The following ERP44 variants were observed in gnomAD, a reference collection of about 807,000 sequenced individuals.
The protein encoded by ERP44 is endoplasmic reticulum resident protein 44.
A neutral mutation model predicts 53.4 loss-of-function variants in ERP44; 25 were observed. The ratio of observed to expected loss-of-function variants is 0.47; its 90% CI spans 0.34 to 0.65. The LOEUF (loss-of-function observed/expected upper bound fraction) is 0.65, where lower values mean the gene tolerates loss of function less well. Ranked by LOEUF, ERP44 falls within the 30% of genes least tolerant of loss-of-function variation. The pLI is 0.01. For synonymous variants in ERP44, 145 were observed against 161.2 expected, an observed-to-expected ratio of 0.90 and a Z score of 0.76; for missense variants, 338 against 493.2, an observed-to-expected ratio of 0.69 and a Z score of 2.98.
chr9:100,070,660 C>T (rs1826291053), intron 1 of ERP44, among the ~76,000 whole-genome samples: 1 of 152,150 alleles, frequency 6.6e-6, no homozygotes, highest in Non-Finnish European at 1.5e-5. Flanking sequence ...CAGAAAGCAC[C>T]ACTTGTAAAT....
chr9:100,092,142 G>A (rs1259682013), intron 1 of ERP44, among the ~76,000 whole-genome samples: 1 of 152,182 alleles, frequency 6.6e-6, no homozygotes, highest in Non-Finnish European at 1.5e-5. Flanking sequence ...CCATAGATGA[G>A]TTCCTCTCTA....
intron 1 of ERP44, 102 bp downstream of exon 1, chr9:100,098,682 G>T: frequency 1.0e-6 from 1 of 1,002,374 alleles, no homozygotes; most frequent in Non-Finnish European, 1.5e-6. Context: ...AACACTGCAG[G>T]AAAAGACGGA....
chr9:100,022,137 GA>G lies in ERP44; in HGVS notation c.375del (p.Gln126SerfsTer4). On this transcript the variant is annotated frameshift_variant, in exon 5 of 12. Coordinates refer to ENST00000262455, the MANE Select transcript of ERP44 (RefSeq NM_015051.3). LOFTEE classifies it high-confidence loss of function. Reference protein sequence around the residue: ...NGMMMKREYRGQRSVKALADY... With the variant: ...NGMMMKREYRXQRSVKALADY... Reference sequence around the variant, plus strand: ...TCTGCCAATGCTTTCACTGATCGCTGACCCCTGTATTCTCTCTTCATCATCA... The same window carrying G: ...TCTGCCAATGCTTTCACTGATCGCTGCCCCTGTATTCTCTCTTCATCATCA... 6.2e-7 allele frequency: 1 copy of G among 1,613,820 alleles called. No homozygotes were observed. The highest frequency in any genetic ancestry group is 8.5e-7 in the Non-Finnish European group (1 of 1,179,808).
chr9:100,056,133 C>T (rs183523997), intron 3 of ERP44, among the ~76,000 whole-genome samples: 93 of 152,278 alleles, frequency 6.1e-4, no homozygotes, highest in Non-Finnish European at 1.2e-3. Context: ...AGGAGAAAGT[C>T]GTTCTAGTTT....
Position 100,037,245 on chromosome 9 carries a change from T to C in ERP44, c.287-15019A>G, listed in dbSNP as rs570276180. On this transcript the variant is annotated intron_variant, in intron 4 of 11. Transcript: ENST00000262455. ...TTCCCTGTTATAGCAGAAAGCAAAA[T>C]TGAACAGAACTCAGCTGACGCCCAC... Among the ~76,000 whole-genome samples, 79 of 152,102 alleles carry C rather than the reference T, an allele frequency of 5.2e-4. 1 individual carries two copies. Among genetic ancestry groups the C allele is most frequent in the Non-Finnish European group, 4.1e-4 (28 of 68,022 alleles).
intron 8 of ERP44, among the ~76,000 whole-genome samples, chr9:100,010,880 G>A (rs1830468399): frequency 2.3e-5 from 3 of 133,034 alleles, no homozygotes; most frequent in African/African-American, 5.6e-5. Context: ...CAGCCTGAGC[G>A]ACAAGAGCGA....
At chr9:100,021,984 G>A in intron 5 of ERP44, 58 bp downstream of exon 5, 1 of 1,480,490 alleles carries the variant, frequency 6.8e-7, no homozygotes, top group Non-Finnish European at 9.3e-7. Flanking sequence ...GTTTGCATTA[G>A]AATTTGTTTA....
intron 10 of ERP44, among the ~76,000 whole-genome samples, chr9:100,005,005 A>C (rs929265792): frequency 6.6e-6 from 1 of 152,194 alleles, no homozygotes; most frequent in African/African-American, 2.4e-5. Flanking sequence ...TTCCCTGATT[A>C]AAACCTTTCA....
At chr9:100,056,565 G>A (rs1185263793) in intron 3 of ERP44, among the ~76,000 whole-genome samples, 1 of 152,134 alleles carries the variant, frequency 6.6e-6, no homozygotes, top group Non-Finnish European at 1.5e-5. Context: ...GGGTGTTACC[G>A]GAAATAACAG....
chr9:100,008,362 G>T (rs1830440056), intron 8 of ERP44, among the ~76,000 whole-genome samples: 1 of 151,998 alleles, frequency 6.6e-6, no homozygotes, highest in African/African-American at 2.4e-5. Context: ...AAATTATAAA[G>T]TGCTATTAAA....
rs1830157449 is a variant in ERP44 at position 99,982,454 on chromosome 9, T to A, written c.*158A>T. 6.0e-6 allele frequency: 2 copies of A among 332,546 alleles called. No homozygotes were observed. Among genetic ancestry groups the A allele is most frequent in the Non-Finnish European group, 1.1e-5 (2 of 186,480 alleles). 20.6% of individuals were successfully genotyped at this position (332,546 alleles called of 1,614,324 possible). ...AAGAGGCTACTATATTAAATGACAATGCATTTTGAGTCGGGGAGAAAAAAA... is the reference window on the plus strand; with the variant it reads ...AAGAGGCTACTATATTAAATGACAAAGCATTTTGAGTCGGGGAGAAAAAAA... On this transcript the variant is annotated 3_prime_UTR_variant, in exon 12 of 12. Coordinates refer to ENST00000262455, the MANE Select transcript of ERP44 (RefSeq NM_015051.3).
intron 4 of ERP44, among the ~76,000 whole-genome samples, chr9:100,050,446 C>T (rs762870730): frequency 6.6e-6 from 1 of 151,874 alleles, no homozygotes; most frequent in Non-Finnish European, 1.5e-5. Flanking sequence ...AAAAAAAATT[C>T]GACCACAGAA....
chr9:100,063,389 T>C (rs933469940), intron 1 of ERP44, among the ~76,000 whole-genome samples: 1 of 152,126 alleles, frequency 6.6e-6, no homozygotes, highest in East Asian at 1.9e-4. Flanking sequence ...TTTCTATTAA[T>C]ATGCAGTATG....
chr9:100,073,637 G>T (rs957709092), intron 1 of ERP44, among the ~76,000 whole-genome samples: 11 of 152,066 alleles, frequency 7.2e-5, no homozygotes, highest in African/African-American at 2.7e-4. Context: ...ATCATTACTG[G>T]ACTAAAAACT....
chr9:99,986,436 T>C (rs1220239771), intron 10 of ERP44, among the ~76,000 whole-genome samples: 1 of 152,210 alleles, frequency 6.6e-6, no homozygotes, highest in Non-Finnish European at 1.5e-5. Flanking sequence ...ATTAATTATA[T>C]ATTTTAAATA....
At chr9:99,985,123 T>C in intron 10 of ERP44, 54 bp from the exon 11 acceptor site, 1 of 1,235,794 alleles carries the variant, frequency 8.1e-7, no homozygotes, top group Non-Finnish European at 1.2e-6. Flanking sequence ...TATCTCTATT[T>C]TACCAACTTC....
At chr9:100,032,446 A>G (rs577105584) in intron 4 of ERP44, among the ~76,000 whole-genome samples, 58 of 152,240 alleles carry the variant, frequency 3.8e-4, no homozygotes, top group Non-Finnish European at 7.9e-4. Context: ...GGTCCCCTAA[A>G]GTCAAAAAAT....
At chr9:100,063,330 TC>T (rs1301829408) in intron 1 of ERP44, among the ~76,000 whole-genome samples, 2 of 152,068 alleles carry the variant, frequency 1.3e-5, no homozygotes, top group East Asian at 3.9e-4. Flanking sequence ...TAATCTCTGC[TC>T]CCTGTAGGGT....
At chr9:100,009,203 C>A (rs1830447641) in intron 8 of ERP44, among the ~76,000 whole-genome samples, 1 of 152,204 alleles carries the variant, frequency 6.6e-6, no homozygotes, top group African/African-American at 2.4e-5. Context: ...CCTCTGCCTC[C>A]CGTGTTCAAA....
Sources: gnomAD v4.1 joint callset for allele counts (sites outside exome capture counted in the v4.1 genomes callset) on GRCh38, gnomAD v4.1.1 for gene constraint, MANE v1.5 for transcripts, NCBI Gene and HGNC (gene_info 2026-07-23, HGNC 2026-07-21) for gene names.